NBAS: variants seen among roughly 807,000 people sequenced by gnomAD.
NBAS encodes NAG/BC035112 fusion.
A neutral mutation model predicts 302.5 loss-of-function variants in NBAS; 219 were observed. That is an observed-to-expected ratio of 0.72 (90% CI 0.65 to 0.81). The LOEUF is 0.81. NBAS is among the 30% of genes least tolerant of loss of function. The pLI is 0.00. For synonymous variants in NBAS, 1,118 were observed against 1,021.6 expected, an observed-to-expected ratio of 1.09 and a Z score of -1.80; for missense variants, 2,932 against 2,841.6, an observed-to-expected ratio of 1.03 and a Z score of -0.72.
At chr2:14,883,775 G>A in the NBAS span, among the ~76,000 whole-genome samples, 1 of 151,922 alleles carries the variant, frequency 6.6e-6, no homozygotes, top group African/African-American at 2.4e-5. Flanking sequence ...TTCAAGACCA[G>A]CCTGGGCAAC....
chr2:15,418,132 G>A (rs1228812164), intron 23 of NBAS, among the ~76,000 whole-genome samples: 1 of 152,028 alleles, frequency 6.6e-6, no homozygotes, highest in Non-Finnish European at 1.5e-5. Context: ...TGTTTTGAAG[G>A]TTTTACTTTT....
intron 32 of NBAS, among the ~76,000 whole-genome samples, chr2:15,364,341 G>C (rs10174667): frequency 0.038 from 5,804 of 152,214 alleles, 372 homozygotes; most frequent in African/African-American, 0.13. Flanking sequence ...AGACCAGCCT[G>C]ACCAGCATGG....
intron 24 of NBAS, among the ~76,000 whole-genome samples, chr2:15,416,150 A>T (rs968214151): frequency 1.3e-5 from 2 of 152,166 alleles, no homozygotes; most frequent in African/African-American, 4.8e-5. Flanking sequence ...GAGACCTTAG[A>T]CCAACAAAGA....
In NBAS at chr2:15,379,644, T is replaced by C. The variant is rs748219133; in HGVS notation, c.3548A>G (p.Asn1183Ser). 1.4e-5 allele frequency: 23 copies of C among 1,613,832 alleles called. No homozygotes were observed. The highest frequency in any genetic ancestry group is 1.6e-4 in the Middle Eastern group (1 of 6,072). ...GCTATCAGTGAGGTTGGTAGAAGAA[T>C]TGAAGTACTCTCTGCTGGCAGCCAA... ...LVLAASREYF[N>S]SSTNLTDSCM... Residue 1183 changes from asparagine to serine, a missense_variant, in exon 30 of 52, where the codon AAT (asparagine) becomes AGT (serine). Transcript: ENST00000281513.
chr2:15,512,302 A>C (rs1180841162), intron 9 of NBAS, among the ~76,000 whole-genome samples: 5 of 152,174 alleles, frequency 3.3e-5, no homozygotes, highest in Non-Finnish European at 1.5e-5. Flanking sequence ...ATGAGCTCTC[A>C]ATACGGACCC....
At position 15,167,126 on chromosome 2, in the gene NBAS, G is replaced by A. The variant is rs1191413929; in HGVS notation, c.7038C>T (p.Leu2346=). The change falls in exon 52 of 52, where the codon CTC becomes CTT. Residue 2346 remains leucine (L), a synonymous_variant. Transcript: ENST00000281513. ...EAGHEAEAGS[L]LLAVRGTHQA... ...GGTGAGTCCCCCTCACGGCCAGAAGGAGAGACCCGGCTTCGGCTTCATGGC... is the reference window on the plus strand; with the variant it reads ...GGTGAGTCCCCCTCACGGCCAGAAGAAGAGACCCGGCTTCGGCTTCATGGC... 30 of 1,614,078 alleles carry A rather than the reference G, an allele frequency of 1.9e-5. No individual in the cohort carries two copies. Among genetic ancestry groups the A allele is most frequent in the Non-Finnish European group, 2.5e-5 (29 of 1,180,008 alleles).
the NBAS span, among the ~76,000 whole-genome samples, chr2:15,026,767 T>G: frequency 3.3e-4 from 50 of 152,266 alleles, no homozygotes; most frequent in African/African-American, 1.2e-3. Context: ...TTCTAGATTT[T>G]GCTGCATTTA....
At chr2:14,917,335 C>G in the NBAS span, among the ~76,000 whole-genome samples, 1 of 152,228 alleles carries the variant, frequency 6.6e-6, no homozygotes, top group Non-Finnish European at 1.5e-5. Flanking sequence ...CAGTTTATTA[C>G]TGACTGTTGG....
downstream of NBAS, among the ~76,000 whole-genome samples, chr2:15,163,821 G>T: frequency 6.9e-6 from 1 of 145,692 alleles, no homozygotes. Flanking sequence ...TTTGAGACAA[G>T]AGTCTCGCTC....
At chr2:15,436,794 G>A (rs948955457) in intron 21 of NBAS, among the ~76,000 whole-genome samples, 7 of 152,050 alleles carry the variant, frequency 4.6e-5, no homozygotes, top group Non-Finnish European at 1.0e-4. Flanking sequence ...ATTTATTTAT[G>A]TGTCTTGCTC....
At chr2:15,472,158 G>A (rs1476596103) in intron 16 of NBAS, among the ~76,000 whole-genome samples, 2 of 152,170 alleles carry the variant, frequency 1.3e-5, no homozygotes, top group Non-Finnish European at 2.9e-5. Flanking sequence ...ATTTGTGGTT[G>A]ACACGATTTT....
At chr2:15,452,047 A>G (rs1679041314) in intron 21 of NBAS, among the ~76,000 whole-genome samples, 1 of 152,120 alleles carries the variant, frequency 6.6e-6, no homozygotes, top group African/African-American at 2.4e-5. Context: ...TTCCACTTAC[A>G]TGCCATACCT....
At chr2:15,342,232 T>C (rs889059299) in intron 35 of NBAS, among the ~76,000 whole-genome samples, 4 of 151,990 alleles carry the variant, frequency 2.6e-5, no homozygotes, top group Middle Eastern at 3.2e-3. Context: ...TAGAGAAAAG[T>C]TGGACACAAT....
the NBAS span, among the ~76,000 whole-genome samples, chr2:15,034,032 G>A: frequency 0.17 from 2,180 of 13,014 alleles, 130 homozygotes; most frequent in Admixed American, 0.29. Flanking sequence ...AAGAAGAGGA[G>A]GAGGAAGGAG....
chr2:15,186,743 T>C lies in NBAS; in HGVS notation c.6710A>G (p.Glu2237Gly), dbSNP rs1317320783. 2.5e-6 allele frequency: 4 copies of C among 1,613,804 alleles called. No homozygotes were observed. In the East Asian group the frequency reaches 6.7e-5, roughly 27 times the overall value. Residue 2237 changes from glutamate (E) to glycine (G), a missense_variant and splice_region_variant, in exon 50 of 52, where the codon GAG becomes GGG. By Grantham distance (98) the Glu-to-Gly change is moderately conservative (BLOSUM62 -2). Transcript: ENST00000281513. The stretch of plus-strand genomic sequence containing the variant: ...AAAGCACTCAAAATATCCACTCACC[T>C]CTGCAGGCAGCATCTGCTTGGTGTT... The part of the protein sequence containing the change: ...LYNTKQMLPA[E>G]GVKELCLLLL...
At chr2:15,119,577 G>T in the NBAS span, among the ~76,000 whole-genome samples, 1 of 152,126 alleles carries the variant, frequency 6.6e-6, no homozygotes, top group African/African-American at 2.4e-5. Flanking sequence ...CTGACCTCGT[G>T]ATCCACCTGC....
chr2:15,002,937 C>G, the NBAS span, among the ~76,000 whole-genome samples: 1 of 152,374 alleles, frequency 6.6e-6, no homozygotes, highest in East Asian at 1.9e-4. Context: ...TCCCTGCAAG[C>G]TGAGGGAGCC....
At chr2:15,379,224 T>C (rs1212791654) in intron 30 of NBAS, among the ~76,000 whole-genome samples, 1 of 151,086 alleles carries the variant, frequency 6.6e-6, no homozygotes, top group Non-Finnish European at 1.5e-5. Flanking sequence ...ACTTATGCCC[T>C]GGCATTTAGG....
chr2:15,421,422 T>G (rs902830906), intron 23 of NBAS, among the ~76,000 whole-genome samples: 3 of 152,182 alleles, frequency 2.0e-5, no homozygotes, highest in Admixed American at 1.3e-4. Context: ...TTATATCATA[T>G]ACCCTAGGTC....
Sources: allele counts gnomAD v4.1 joint callset (sites outside exome capture counted in the v4.1 genomes callset), GRCh38; gene constraint gnomAD v4.1.1; transcripts MANE v1.5; gene names NCBI Gene and HGNC (gene_info 2026-07-23, HGNC 2026-07-21).